Variants in GSG1L observed in about 807,000 individuals in gnomAD.
GSG1L encodes germ cell-specific gene 1-like protein.
GSG1L carries 24 observed loss-of-function variants against 42.1 expected under a neutral mutation model. The ratio of observed to expected loss-of-function variants is 0.57; its 90% CI spans 0.41 to 0.80. The LOEUF (loss-of-function observed/expected upper bound fraction) is 0.80. GSG1L is among the 30% of genes least tolerant of loss of function. The pLI is 0.00. For synonymous variants in GSG1L, 215 were observed against 203.5 expected (o/e 1.06, Z -0.48); for missense variants, 445 against 472.2 (o/e 0.94, Z 0.53).
chr16:27,857,084 C>G (rs1596560193), intron 3 of GSG1L, among the ~76,000 whole-genome samples: 2 of 152,262 alleles, frequency 1.3e-5, no homozygotes, highest in East Asian at 3.9e-4. Context: ...GACAAAGATC[C>G]CTAAATACTA....
At chr16:27,853,304 T>C (rs1284012794) in intron 3 of GSG1L, among the ~76,000 whole-genome samples, 1 of 152,228 alleles carries the variant, frequency 6.6e-6, no homozygotes, top group Admixed American at 6.5e-5. Flanking sequence ...GCTGATGCTA[T>C]GTTTAAAACT....
intron 2 of GSG1L, chr16:27,888,099 CCT>C: frequency 2.0e-6 from 2 of 985,478 alleles, no homozygotes; most frequent in African/African-American, 3.5e-5. Flanking sequence ...GTTTCCAGCC[CCT>C]GTTGGTGCTG....
At chr16:27,804,041 A>AGATAGATACAGAT (rs1363729051) in intron 6 of GSG1L, among the ~76,000 whole-genome samples, 11 of 39,330 alleles carry the variant, frequency 2.8e-4, no homozygotes, top group Non-Finnish European at 6.3e-4. Context: ...TTAGATGGAT[A>AGATAGATACAGAT]GATAGATAGA....
chr16:27,834,305 C>T (rs114351146), intron 4 of GSG1L, among the ~76,000 whole-genome samples: 2,178 of 152,024 alleles, frequency 0.014, 51 homozygotes, highest in African/African-American at 0.051. Context: ...CTTATCATGA[C>T]GTATAATTAT....
chr16:27,899,213 A>G (rs965187689), intron 2 of GSG1L, among the ~76,000 whole-genome samples: 4 of 152,252 alleles, frequency 2.6e-5, no homozygotes, highest in Non-Finnish European at 5.9e-5. Context: ...AGTCTGGAAC[A>G]TAGCGGAGAA....
At chr16:27,901,689 A>G (rs1475174164) in intron 2 of GSG1L, among the ~76,000 whole-genome samples, 1 of 152,260 alleles carries the variant, frequency 6.6e-6, no homozygotes, top group Non-Finnish European at 1.5e-5. Flanking sequence ...TTTATGAGAA[A>G]GAGTTACCTT....
At chr16:27,847,437 G>A (rs1448272642) in intron 3 of GSG1L, among the ~76,000 whole-genome samples, 1 of 152,228 alleles carries the variant, frequency 6.6e-6, no homozygotes, top group East Asian at 1.9e-4. Flanking sequence ...CCCTGTGCTA[G>A]TCCAAACTGA....
intron 1 of GSG1L, among the ~76,000 whole-genome samples, chr16:28,022,659 TG>T (rs1407849079): frequency 3.8e-4 from 57 of 151,928 alleles, no homozygotes; most frequent in African/African-American, 1.3e-3. Flanking sequence ...TTTCTTTTTT[TG>T]TTTTTTGTTT....
intron 1 of GSG1L, among the ~76,000 whole-genome samples, chr16:28,002,668 C>A (rs868750333): frequency 2.0e-5 from 3 of 151,964 alleles, no homozygotes; most frequent in Non-Finnish European, 4.4e-5. Context: ...CGGTGGCTCA[C>A]GCCTGTAATC....
intron 1 of GSG1L, among the ~76,000 whole-genome samples, chr16:28,005,972 G>A (rs1182080360): frequency 1.3e-5 from 2 of 152,164 alleles, no homozygotes; most frequent in Non-Finnish European, 2.9e-5. Context: ...CGTTATCCAA[G>A]TTGACCCAAT....
At chr16:27,869,369 G>T (rs972675317) in intron 3 of GSG1L, among the ~76,000 whole-genome samples, 3 of 151,494 alleles carry the variant, frequency 2.0e-5, no homozygotes, top group African/African-American at 7.3e-5. Context: ...GTAAATGTCG[G>T]CCCATTTGCT....
intron 1 of GSG1L, among the ~76,000 whole-genome samples, chr16:28,022,132 C>T (rs201237237): frequency 6.6e-6 from 1 of 151,990 alleles, no homozygotes; most frequent in Admixed American, 6.6e-5. Flanking sequence ...AGGAATTGAC[C>T]GTCGTAATAA....
At chr16:28,011,327 G>A (rs1020976802) in intron 1 of GSG1L, among the ~76,000 whole-genome samples, 2 of 152,212 alleles carry the variant, frequency 1.3e-5, no homozygotes, top group Non-Finnish European at 2.9e-5. Context: ...CTCCGCCCTG[G>A]GTTGGGGGCT....
intron 2 of GSG1L, among the ~76,000 whole-genome samples, chr16:27,908,087 G>T (rs2084339873): frequency 6.6e-6 from 1 of 152,192 alleles, no homozygotes; most frequent in African/African-American, 2.4e-5. Flanking sequence ...CATGGGACTT[G>T]CTTTGGCCAA....
chr16:27,847,285 G>A (rs181320535), intron 3 of GSG1L, among the ~76,000 whole-genome samples: 1 of 152,298 alleles, frequency 6.6e-6, no homozygotes, highest in East Asian at 1.9e-4. Flanking sequence ...GTGTGGTCAG[G>A]TGGGTATGGT....
rs144172669 is a variant in GSG1L, at chr16:27,966,042, C to T, written c.350-2839G>A. 9.9e-3 allele frequency among the ~76,000 whole-genome samples: 1,509 copies of T among 152,284 alleles called. 28 individuals are homozygous for T. Among genetic ancestry groups the T allele is most frequent in the African/African-American group, 0.034 (1,401 of 41,546 alleles). ...GTCTCCTTGCCAATCTTTAAACGTG[C>T]CGGGCATTCTCCTGCCTCAGGGCCT... On this transcript the variant is annotated intron_variant, in intron 1 of 6. Coordinates refer to ENST00000447459, the MANE Select transcript of GSG1L (RefSeq NM_001109763.2).
chr16:27,909,332 T>G (rs868291277), intron 2 of GSG1L, among the ~76,000 whole-genome samples: 6 of 151,998 alleles, frequency 3.9e-5, no homozygotes, highest in Non-Finnish European at 7.4e-5. Context: ...TCTCTCTTTC[T>G]TTCTTTTTCT....
chr16:27,963,616 T>C (rs750749201), intron 1 of GSG1L, among the ~76,000 whole-genome samples: 2 of 152,156 alleles, frequency 1.3e-5, no homozygotes, highest in Non-Finnish European at 2.9e-5. Context: ...AGCTTGCTCC[T>C]GTTTGAAACT....
At chr16:27,797,714 C>A (rs368059172) in intron 6 of GSG1L, among the ~76,000 whole-genome samples, 1 of 133,504 alleles carries the variant, frequency 7.5e-6, no homozygotes, top group Non-Finnish European at 1.6e-5. Context: ...CCCAGCTACT[C>A]GGGAGGCTGA....
Sources: allele counts gnomAD v4.1 joint callset (sites outside exome capture counted in the v4.1 genomes callset), GRCh38; gene constraint gnomAD v4.1.1; transcripts MANE v1.5; gene names NCBI Gene and HGNC (gene_info 2026-07-23, HGNC 2026-07-21).